Variants in CHD5 observed in about 807,000 individuals in gnomAD.
CHD5 encodes the protein ATP-dependent chromatin remodeler CHD5.
CHD5 carries 69 observed loss-of-function variants against 230.3 expected under a neutral mutation model. The ratio of observed to expected loss-of-function variants is 0.30; its 90% CI spans 0.25 to 0.37. CHD5 has a LOEUF of 0.37. CHD5 is among the 10% of genes least tolerant of loss of function. CHD5 has a pLI of 1.00. For synonymous variants in CHD5, 1,064 were observed against 1,065.9 expected, an observed-to-expected ratio of 1.00 and a Z score of 0.03; for missense variants, 1,827 against 2,622.8, an observed-to-expected ratio of 0.70 and a Z score of 6.63.
At chr1:6,148,180 T>G (rs1197076863) in intron 9 of CHD5, among the ~76,000 whole-genome samples, 1 of 152,086 alleles carries the variant, frequency 6.6e-6, no homozygotes, top group Non-Finnish European at 1.5e-5. Context: ...GCCCAGGACC[T>G]GAGGGGTGGA....
At position 6,128,123 on chromosome 1, in the gene CHD5, T is replaced by C. The variant is rs200671755; in HGVS notation, c.3826A>G (p.Thr1276Ala). Residue 1276 changes from threonine (T) to alanine (A), a missense_variant, in exon 25 of 42, where the codon ACG becomes GCG. This residue lies in a region of CHD5 where 137 missense variants were observed against 272.7 expected (regional missense o/e 0.50). Coordinates refer to ENST00000262450, the MANE Select transcript of CHD5 (RefSeq NM_015557.3). The surrounding 1 kb of genome is among the most constrained non-coding windows in gnomAD (Gnocchi z 7.8). ...TACTCGTTCATGTTCTGTAGCTCCGTGTCATCTGTAGCGTCCTGGTTCCGG... is the reference window on the plus strand; with the variant it reads ...TACTCGTTCATGTTCTGTAGCTCCGCGTCATCTGTAGCGTCCTGGTTCCGG... The part of the protein sequence containing the change: ...LDRNQDATDD[T>A]ELQNMNEYLS... 2 of 1,614,006 alleles carry C rather than the reference T, an allele frequency of 1.2e-6. No homozygotes were observed. The highest frequency in any genetic ancestry group is 2.2e-5 in the South Asian group (2 of 91,058).
At position 6,154,712 on chromosome 1, in the gene CHD5, C is replaced by T. The variant is rs141326175; in HGVS notation, c.693G>A (p.Pro231=). The T allele has an allele frequency of 5.7e-5, 91 of 1,604,092 alleles. No individual in the cohort carries two copies. The highest frequency in any genetic ancestry group is 6.7e-5 in the East Asian group (3 of 44,750). Residue 231 remains proline, a synonymous_variant, in exon 5 of 42, where the codon CCG becomes CCA. Coordinates refer to ENST00000262450, the MANE Select transcript of CHD5 (RefSeq NM_015557.3). The surrounding 1 kb of genome is among the most constrained non-coding windows in gnomAD (Gnocchi z 7.0). ...TISPPLAVSP[P]QVPQPVPIRK... Reference sequence around the variant, plus strand: ...GGATAGGCACAGGCTGGGGCACCTGCGGGGGGCTGACGGCTAGCGGAGGGG... The same window carrying T: ...GGATAGGCACAGGCTGGGGCACCTGTGGGGGGCTGACGGCTAGCGGAGGGG...
Position 6,128,802 on chromosome 1 carries a change from A to G in CHD5, c.3619+36T>C, listed in dbSNP as rs779088049. ...ATGGGTGTCTCAGCCGGGCCACCCC[A>G]GTCCCCTGCCACGCTCCCTCGGAAC... On this transcript the variant is annotated intron_variant, in intron 23 of 41. Coordinates refer to ENST00000262450, the MANE Select transcript of CHD5 (RefSeq NM_015557.3). The surrounding 1 kb of genome is among the most constrained non-coding windows in gnomAD (Gnocchi z 7.8). The G allele has an allele frequency of 1.3e-6, 2 of 1,567,746 alleles. No individual in the cohort carries two copies. Among genetic ancestry groups the G allele is most frequent in the Non-Finnish European group, 1.8e-6 (2 of 1,141,568 alleles).
At chr1:6,159,695 G>A (rs1667136589) in intron 2 of CHD5, among the ~76,000 whole-genome samples, 180 bp from the exon 3 acceptor site, 1 of 152,224 alleles carries the variant, frequency 6.6e-6, no homozygotes, top group Non-Finnish European at 1.5e-5. Context: ...AGCCAAAGGG[G>A]CAACCCCAAG....
At chr1:6,143,157 A>G (rs889035958) in intron 13 of CHD5, among the ~76,000 whole-genome samples, 1 of 151,260 alleles carries the variant, frequency 6.6e-6, no homozygotes, top group Admixed American at 6.6e-5. Context: ...GGCTCAAGGG[A>G]TTCTCCTACC....
At position 6,134,399 on chromosome 1, in the gene CHD5, C is replaced by T. The variant is rs1208817822; in HGVS notation, c.3013-140G>A. The T allele has an allele frequency of 6.4e-6, 7 of 1,095,640 alleles. No homozygotes were observed. The highest frequency in any genetic ancestry group is 6.0e-4 in the Middle Eastern group (2 of 3,328). The allele number at this position is 1,095,640 out of a possible 1,614,324, so 67.9% of individuals were successfully genotyped here. On this transcript the variant is annotated intron_variant, in intron 19 of 41. Transcript: ENST00000262450. This position sits in a 1 kb window ranked among gnomAD's most constrained non-coding sequence, Gnocchi z 6.3. ...GCCCACTGAACATGAGACCCACACC[C>T]GAGCCAGGCCAGGCCCCACAGTGCG...
At chr1:6,119,516 C>T (rs1666431935) in intron 33 of CHD5, among the ~76,000 whole-genome samples, 1 of 152,044 alleles carries the variant, frequency 6.6e-6, no homozygotes, top group Non-Finnish European at 1.5e-5. Flanking sequence ...ACCTGACAAC[C>T]CAGTCTCAAA....
rs1666612050 is a variant in CHD5, at chr1:6,129,132, A to T, written c.3388-63T>A. The T allele has an allele frequency of 1.7e-6, 2 of 1,152,630 alleles. No individual in the cohort carries two copies. Among genetic ancestry groups the T allele is most frequent in the Admixed American group, 3.6e-5 (2 of 55,614 alleles). 71.4% of individuals were successfully genotyped at this position (1,152,630 alleles called of 1,614,324 possible). A position where few individuals can be genotyped will look rare whatever the true frequency, so the allele number is the denominator to read the frequency against. On this transcript the variant is annotated intron_variant, in intron 22 of 41. Transcript: ENST00000262450. The surrounding 1 kb of genome is among the most constrained non-coding windows in gnomAD (Gnocchi z 6.8). ...AGGGCTCCAGGCAATGGAGGAGATC[A>T]CACCCATGAGCTCAAGAGCATGGAA...
In CHD5 at chr1:6,151,788, C is replaced by T. The variant is rs527787185; in HGVS notation, c.870+624G>A. 2.5e-5 allele frequency among the ~76,000 whole-genome samples: 3 copies of T among 121,146 alleles called. No homozygotes were observed. The East Asian group carries it at 1.1e-3, about 44-fold the overall frequency. 79.5% of individuals were successfully genotyped at this position (121,146 alleles called of 152,430 possible). On this transcript the variant is annotated intron_variant, in intron 6 of 41. Transcript: ENST00000262450. ...TGGTGCAGGGAAAGAGCTTCCAACT[C>T]CACCCACCGCAGGGCTGGGGTGAGG...
chr1:6,128,717 G>C lies in CHD5; in HGVS notation c.3620-108C>G. 1.6e-6 allele frequency: 2 copies of C among 1,272,434 alleles called. No homozygotes were observed. Among genetic ancestry groups the C allele is most frequent in the Non-Finnish European group, 2.3e-6 (2 of 888,718 alleles). 78.8% of individuals were successfully genotyped at this position (1,272,434 alleles called of 1,614,324 possible). The stretch of plus-strand genomic sequence containing the variant: ...GGGCTGTCCTAGCCAGGAGATACAG[G>C]TGGGGGGTGCAGAAGAGAGGCTGTG... On this transcript the variant is annotated intron_variant, in intron 23 of 41. Coordinates refer to ENST00000262450, the MANE Select transcript of CHD5 (RefSeq NM_015557.3). The surrounding 1 kb of genome is among the most constrained non-coding windows in gnomAD (Gnocchi z 7.8).
intron 7 of CHD5, among the ~76,000 whole-genome samples, chr1:6,150,268 T>A (rs889901836): frequency 2.0e-5 from 3 of 147,496 alleles, no homozygotes; most frequent in Non-Finnish European, 3.0e-5. Context: ...AATGGATGGA[T>A]GGATGATGGA....
intron 2 of CHD5, among the ~76,000 whole-genome samples, chr1:6,161,042 G>T (rs551531022): frequency 6.6e-6 from 1 of 152,204 alleles, no homozygotes; most frequent in Non-Finnish European, 1.5e-5. Flanking sequence ...AGAGGCATGG[G>T]ATGAGATTAA....
At chr1:6,127,243 T>C (rs1203215300) in intron 25 of CHD5, 1 of 159,208 alleles carries the variant, frequency 6.3e-6, no homozygotes, top group Non-Finnish European at 1.4e-5. Context: ...CCCCAGAACT[T>C]TGGGAGGCCG....
chr1:6,125,278 G>T lies in CHD5; in HGVS notation c.4261-45C>A. ...GAGTATGAGCCCAGGACAGAGAGGG[G>T]TGGGGGTGGAGGATTCTGGGATGGG... On this transcript the variant is annotated intron_variant, in intron 28 of 41. Transcript: ENST00000262450. This position sits in a 1 kb window ranked among gnomAD's most constrained non-coding sequence, Gnocchi z 6.7. The T allele has an allele frequency of 1.3e-6, 2 of 1,549,194 alleles. No individual in the cohort carries two copies. The highest frequency in any genetic ancestry group is 8.7e-7 in the Non-Finnish European group (1 of 1,145,382).
Position 6,146,132 on chromosome 1 carries a change from C to T in CHD5, c.1802+80G>A. ...AAAGCAAGGGCCCTGGCACCCTGCG[C>T]TGCACCCATTTTACAGGGCAAAGAA... On this transcript the variant is annotated intron_variant, in intron 11 of 41. Coordinates refer to ENST00000262450, the MANE Select transcript of CHD5 (RefSeq NM_015557.3). The surrounding 1 kb of genome is among the most constrained non-coding windows in gnomAD (Gnocchi z 5.1). 2 of 1,416,350 alleles carry T rather than the reference C, an allele frequency of 1.4e-6. No individual in the cohort carries two copies. Among genetic ancestry groups the T allele is most frequent in the South Asian group, 1.2e-5 (1 of 80,606 alleles). 87.7% of individuals were successfully genotyped at this position (1,416,350 alleles called of 1,614,324 possible).
At chr1:6,171,860 C>T (rs1667343469) in intron 1 of CHD5, among the ~76,000 whole-genome samples, 1 of 152,252 alleles carries the variant, frequency 6.6e-6, no homozygotes, top group African/African-American at 2.4e-5. Context: ...CCTGGCCCCT[C>T]GTGGCTGCCC....
intron 6 of CHD5, among the ~76,000 whole-genome samples, chr1:6,152,199 T>A (rs1667017685): frequency 6.6e-6 from 1 of 152,130 alleles, no homozygotes; most frequent in Admixed American, 6.5e-5. Flanking sequence ...AGAAGGGCCC[T>A]TGGAAGGATT....
rs1297224108 is a variant in CHD5 at position 6,134,350 on chromosome 1, G to A, written c.3013-91C>T. On this transcript the variant is annotated intron_variant, in intron 19 of 41. Coordinates refer to ENST00000262450, the MANE Select transcript of CHD5 (RefSeq NM_015557.3). This position sits in a 1 kb window ranked among gnomAD's most constrained non-coding sequence, Gnocchi z 6.3. The stretch of plus-strand genomic sequence containing the variant: ...GGGCCGCAGGGAACAGACAAGTGCT[G>A]AGCAATGGGGTGATGGCCTGTCTGC... The A allele has an allele frequency of 6.9e-7, 1 of 1,444,586 alleles. No individual in the cohort carries two copies. Among genetic ancestry groups the A allele is most frequent in the Admixed American group, 1.8e-5 (1 of 54,994 alleles). The allele number at this position is 1,444,586 out of a possible 1,614,324, so 89.5% of individuals were successfully genotyped here. A position where few individuals can be genotyped will look rare whatever the true frequency, so the allele number is the denominator to read the frequency against.
At position 6,155,308 on chromosome 1, in the gene CHD5, C is replaced by T. The variant is rs1667064576; in HGVS notation, c.506+291G>A. 1.3e-5 allele frequency among the ~76,000 whole-genome samples: 2 copies of T among 152,274 alleles called. No homozygotes were observed. Among genetic ancestry groups the T allele is most frequent in the Non-Finnish European group, 2.9e-5 (2 of 68,030 alleles). On this transcript the variant is annotated intron_variant, in intron 4 of 41. Transcript: ENST00000262450. This position sits in a 1 kb window ranked among gnomAD's most constrained non-coding sequence, Gnocchi z 4.0. ...CCTTGGGGTCTCCGTCCCACCTCTA[C>T]CAGAGCTGAGAGGCCATGGTGGTGA...
Sources: allele counts gnomAD v4.1 joint callset (sites outside exome capture counted in the v4.1 genomes callset), GRCh38; gene constraint gnomAD v4.1.1; regional missense constraint gnomAD v4.1.1; non-coding constraint Gnocchi (gnomAD v3.1); transcripts MANE v1.5; gene names NCBI Gene and HGNC (gene_info 2026-07-23, HGNC 2026-07-21).